The following SVIL variants were observed in gnomAD, a reference collection of about 807,000 sequenced individuals.
SVIL encodes the protein supervillin, also known as archvillin.
SVIL carries 101 observed loss-of-function variants against 240.4 expected under a neutral mutation model. The ratio of observed to expected loss-of-function variants is 0.42; its 90% confidence interval spans 0.36 to 0.50. The LOEUF (loss-of-function observed/expected upper bound fraction) is 0.50. Ranked by LOEUF, SVIL falls within the 20% of genes least tolerant of loss-of-function variation. The pLI is 0.01. For missense variants in SVIL, 2,512 were observed against 2,818.7 expected (o/e 0.89, Z 2.46); for synonymous variants, 999 against 1,100.0 (o/e 0.91, Z 1.82).
intron 2 of SVIL, among the ~76,000 whole-genome samples, chr10:29,679,922 C>T (rs770676801): frequency 3.3e-5 from 5 of 151,790 alleles, no homozygotes; most frequent in Non-Finnish European, 7.4e-5. Flanking sequence ...GTGGCTCACA[C>T]CTGTAATCCC....
rs1241095655 is a variant in SVIL at position 29,467,604 on chromosome 10, GAT to G, written c.5977+136_5977+137del. 89 of 1,114,816 alleles carry G rather than the reference GAT, an allele frequency of 8.0e-5. No individual in the cohort carries two copies. In the African/African-American group the frequency reaches 1.3e-3, roughly 17 times the overall value. 69.1% of individuals were successfully genotyped at this position (1,114,816 alleles called of 1,614,324 possible). On this transcript the variant is annotated intron_variant, in intron 33 of 37. Coordinates refer to ENST00000355867, the MANE Select transcript of SVIL (RefSeq NM_021738.3). Reference sequence around the variant, plus strand: ...GCACTTTGAGAGGCTGAGGCAGGCTGATCACTTGAGCCCAGGAGGTTGAAGCT... The same window carrying G: ...GCACTTTGAGAGGCTGAGGCAGGCTGCACTTGAGCCCAGGAGGTTGAAGCT...
chr10:29,614,650 G>A (rs138193197), intron 1 of SVIL, among the ~76,000 whole-genome samples: 2 of 152,220 alleles, frequency 1.3e-5, no homozygotes, highest in African/African-American at 2.4e-5. Flanking sequence ...ATCATACACC[G>A]GGGCCTGTCA....
At chr10:29,532,401 C>T (rs578013246) in intron 8 of SVIL, 128 bp downstream of exon 8, 63 of 1,423,420 alleles carry the variant, frequency 4.4e-5, no homozygotes, top group Non-Finnish European at 5.2e-5. Flanking sequence ...TCCGCATAGT[C>T]GCCCTGCACG....
In SVIL at chr10:29,487,125, G is replaced by C. The variant is rs770508284; in HGVS notation, c.4485+38C>G. 7.5e-6 allele frequency: 12 copies of C among 1,609,628 alleles called. No individual in the cohort carries two copies. In the Middle Eastern group the frequency reaches 5.0e-4, roughly 67 times the overall value. The stretch of plus-strand genomic sequence containing the variant: ...GAACACTCCTCCGGTGCGTAAAGGA[G>C]ATGTTAGCTAAAGCATTTTTATTTT... On this transcript the variant is annotated intron_variant, in intron 24 of 37. Coordinates refer to ENST00000355867, the MANE Select transcript of SVIL (RefSeq NM_021738.3).
At chr10:29,652,179 C>A (rs1220843670) in intron 3 of SVIL, among the ~76,000 whole-genome samples, 1 of 152,148 alleles carries the variant, frequency 6.6e-6, no homozygotes, top group Non-Finnish European at 1.5e-5. Flanking sequence ...CGGAAGAAAC[C>A]ACAGACCCAT....
chr10:29,557,926 T>C (rs1341475728), intron 3 of SVIL, among the ~76,000 whole-genome samples: 1 of 152,196 alleles, frequency 6.6e-6, no homozygotes, highest in East Asian at 1.9e-4. Context: ...GAATGGGAAG[T>C]GGCTTTGCTG....
intron 28 of SVIL, 142 bp downstream of exon 28, chr10:29,481,442 T>G: frequency 8.8e-7 from 1 of 1,131,480 alleles, no homozygotes; most frequent in Non-Finnish European, 1.3e-6. Flanking sequence ...GAGGAGAAGA[T>G]TTGAATGTTC....
chr10:29,713,975 A>T (rs1963457014), intron 1 of SVIL, among the ~76,000 whole-genome samples: 1 of 152,222 alleles, frequency 6.6e-6, no homozygotes, highest in Non-Finnish European at 1.5e-5. Flanking sequence ...ATTTCCATGG[A>T]TATACTGGAG....
chr10:29,511,429 C>T (rs1949828844), intron 17 of SVIL, among the ~76,000 whole-genome samples: 1 of 144,068 alleles, frequency 6.9e-6, no homozygotes, highest in South Asian at 2.2e-4. Flanking sequence ...GACAAGGGGC[C>T]AGGCGCTGCT....
chr10:29,653,492 C>G (rs1251300013), intron 3 of SVIL, among the ~76,000 whole-genome samples: 1 of 152,072 alleles, frequency 6.6e-6, no homozygotes, highest in East Asian at 1.9e-4. Flanking sequence ...TATAGCAATG[C>G]GAGAATGGAC....
intron 2 of SVIL, among the ~76,000 whole-genome samples, chr10:29,669,200 C>T (rs1043775082): frequency 1.3e-5 from 2 of 152,088 alleles, no homozygotes; most frequent in African/African-American, 4.8e-5. Context: ...TTGAGCAGAG[C>T]CCCAGAAGAA....
intron 1 of SVIL, among the ~76,000 whole-genome samples, chr10:29,626,774 T>C (rs2182947): frequency 0.67 from 102,170 of 152,056 alleles, 35,295 homozygotes; most frequent in Non-Finnish European, 0.76. Context: ...CCTGTAATCC[T>C]AGCACGTTGG....
In SVIL at chr10:29,735,227, T is replaced by G. The variant is rs1017644038; in HGVS notation, c.-400+524A>C. 1.3e-5 allele frequency among the ~76,000 whole-genome samples: 2 copies of G among 151,928 alleles called. No individual in the cohort carries two copies. Among genetic ancestry groups the G allele is most frequent in the Non-Finnish European group, 2.9e-5 (2 of 67,960 alleles). ...ATCGGGTTCAAACCCGCGCGGGCCC[T>G]GCGGAGGCGCCGGTCTGGGACCCCG... On this transcript the variant is annotated intron_variant, in intron 1 of 35. Transcript: ENST00000375400. The surrounding 1 kb of genome is among the most constrained non-coding windows in gnomAD (Gnocchi z 4.1).
In SVIL at chr10:29,522,557, A is replaced by G; in HGVS notation, c.3242T>C (p.Val1081Ala). Residue 1081 changes from valine to alanine, a missense_variant, in exon 16 of 38, where the codon GTG becomes GCG. Val to Ala is a moderately conservative substitution (Grantham distance 64). Coordinates refer to ENST00000355867, the MANE Select transcript of SVIL (RefSeq NM_021738.3). ...GKTIAQTTAPVSWKPQDSSEQ... is the reference protein window; with the variant it reads ...GKTIAQTTAPASWKPQDSSEQ... ...CGAAGAATCCTGGGGCTTCCAGGAC[A>G]CGGGGGCTGTGGTTTGAGCAATAGT... 2 of 1,614,150 alleles carry G rather than the reference A, an allele frequency of 1.2e-6. No individual in the cohort carries two copies. Among genetic ancestry groups the G allele is most frequent in the African/African-American group, 1.3e-5 (1 of 75,026 alleles).
At chr10:29,598,986 T>C (rs1014763275) in intron 1 of SVIL, among the ~76,000 whole-genome samples, 3 of 152,234 alleles carry the variant, frequency 2.0e-5, no homozygotes, top group South Asian at 2.1e-4. Context: ...TATCTACAGC[T>C]GCCTTGGGCA....
intron 16 of SVIL, among the ~76,000 whole-genome samples, chr10:29,519,832 G>T (rs910977996): frequency 6.6e-6 from 1 of 152,222 alleles, no homozygotes; most frequent in African/African-American, 2.4e-5. Context: ...ACCATGATAA[G>T]TTATGGCTTC....
chr10:29,539,234 A>G (rs1564603043), intron 6 of SVIL, among the ~76,000 whole-genome samples: 1 of 152,236 alleles, frequency 6.6e-6, no homozygotes, highest in Non-Finnish European at 1.5e-5. Flanking sequence ...TGCCTAGGAC[A>G]TAATAAGCCT....
At chr10:29,727,348 C>T (rs759593467) in intron 1 of SVIL, among the ~76,000 whole-genome samples, 33 of 151,908 alleles carry the variant, frequency 2.2e-4, no homozygotes, top group Admixed American at 6.6e-5. Context: ...ACTGTGGCCT[C>T]GAACTCCTGG....
At chr10:29,588,904 A>G (rs1564676443) in intron 1 of SVIL, among the ~76,000 whole-genome samples, 1 of 151,246 alleles carries the variant, frequency 6.6e-6, no homozygotes, top group East Asian at 2.0e-4. Flanking sequence ...CTCACTTCCT[A>G]CCTCCCCCAC....
Sources: gnomAD v4.1 joint callset for allele counts (sites outside exome capture counted in the v4.1 genomes callset) on GRCh38, gnomAD v4.1.1 for gene constraint, Gnocchi (gnomAD v3.1) non-coding constraint, MANE v1.5 for transcripts, NCBI Gene and HGNC (gene_info 2026-07-23, HGNC 2026-07-21) for gene names.